The following NPR2 variants were observed in gnomAD, a reference collection of about 807,000 sequenced individuals.
NPR2 encodes atrial natriuretic peptide receptor 2.
In NPR2, 49 loss-of-function variants were observed where a neutral mutation model predicts 120.7. The ratio of observed to expected loss-of-function variants is 0.41; its 90% CI spans 0.32 to 0.52. The LOEUF (loss-of-function observed/expected upper bound fraction) is 0.52. Ranked by LOEUF, NPR2 falls within the 20% of genes least tolerant of loss-of-function variation. The probability of loss-of-function intolerance (pLI) is 0.36; values close to 1 mark genes in which losing one functional copy is unlikely to be tolerated. For synonymous variants in NPR2, 484 were observed against 519.8 expected, an observed-to-expected ratio of 0.93 and a Z score of 0.94; for missense variants, 931 against 1,362.9, an observed-to-expected ratio of 0.68 and a Z score of 4.99.
Position 35,792,683 on chromosome 9 carries a change from A to G in NPR2, c.275A>G (p.Asp92Gly). 1.2e-6 allele frequency: 2 copies of G among 1,613,578 alleles called. No individual in the cohort carries two copies. The highest frequency in any genetic ancestry group is 8.5e-7 in the Non-Finnish European group (1 of 1,179,952). ...LSAVDLKLYH[D>G]PDLLLGPGCV... Reference sequence around the variant, plus strand: ...GCTGTGGACCTCAAGCTGTACCATGACCCCGACCTGCTGTTAGGTCCCGGT... The same window carrying G: ...GCTGTGGACCTCAAGCTGTACCATGGCCCCGACCTGCTGTTAGGTCCCGGT... The change falls in exon 1 of 22, where the codon GAC (aspartate) becomes GGC (glycine). Residue 92 changes from aspartate (D) to glycine (G), a missense_variant. This residue lies in a region of NPR2 where 681 missense variants were observed against 974.3 expected (regional missense o/e 0.70). Transcript: ENST00000342694.
intron 2 of NPR2, 109 bp downstream of exon 2, chr9:35,794,212 C>A: frequency 1.9e-6 from 2 of 1,026,794 alleles, no homozygotes; most frequent in Non-Finnish European, 2.8e-6. Context: ...AATTGTGAGC[C>A]ACAGGAGTAA....
At position 35,806,446 on chromosome 9, in the gene NPR2, C is replaced by A; in HGVS notation, c.2427C>A (p.Ala809=). Residue 809 remains alanine, a synonymous_variant, in exon 16 of 22, where the codon GCC becomes GCA. Coordinates refer to ENST00000342694, the MANE Select transcript of NPR2 (RefSeq NM_003995.4). This position sits in a 1 kb window ranked among gnomAD's most constrained non-coding sequence, Gnocchi z 4.6. The stretch of plus-strand genomic sequence containing the variant: ...TCCTGCTGCGCATGGAACAGTATGC[C>A]AATAACTTGGAGAAGCTGGTGGAGG... ...DNLLLRMEQY[A]NNLEKLVEER... is the part of the protein sequence containing the mutation. 6.2e-7 allele frequency: 1 copy of A among 1,613,996 alleles called. No homozygotes were observed. The highest frequency in any genetic ancestry group is 8.5e-7 in the Non-Finnish European group (1 of 1,179,892).
In NPR2 at chr9:35,802,410, A is replaced by C; in HGVS notation, c.1711-93A>C. On this transcript the variant is annotated intron_variant, in intron 10 of 21. Coordinates refer to ENST00000342694, the MANE Select transcript of NPR2 (RefSeq NM_003995.4). The surrounding 1 kb of genome is among the most constrained non-coding windows in gnomAD (Gnocchi z 4.2). The stretch of plus-strand genomic sequence containing the variant: ...TGATTTTAAAATCGTAGATACAACT[A>C]AGAGAAAGGTCCTCTTATGTAGTGG... The C allele has an allele frequency of 1.0e-6, 1 of 958,056 alleles. No individual in the cohort carries two copies. The highest frequency in any genetic ancestry group is 1.3e-5 in the South Asian group (1 of 77,216). The allele number at this position is 958,056 out of a possible 1,614,324, so 59.3% of individuals were successfully genotyped here.
chr9:35,806,884 C>A lies in NPR2; in HGVS notation c.2520-139C>A. ...CTTGCATTAGACTGTAATGTCTTCC[C>A]AGCCACTTTCCTCCCTCCCACCTGA... On this transcript the variant is annotated intron_variant, in intron 16 of 21. Coordinates refer to ENST00000342694, the MANE Select transcript of NPR2 (RefSeq NM_003995.4). This position sits in a 1 kb window ranked among gnomAD's most constrained non-coding sequence, Gnocchi z 4.6. The A allele has an allele frequency of 2.1e-6, 2 of 965,086 alleles. No homozygotes were observed. Among genetic ancestry groups the A allele is most frequent in the Non-Finnish European group, 3.2e-6 (2 of 626,312 alleles). The allele number at this position is 965,086 out of a possible 1,614,324, so 59.8% of individuals were successfully genotyped here.
Position 35,806,195 on chromosome 9 carries a change from C to A in NPR2, c.2334C>A (p.Asp778Glu). The A allele has an allele frequency of 6.2e-7, 1 of 1,614,234 alleles. No individual in the cohort carries two copies. Among genetic ancestry groups the A allele is most frequent in the South Asian group, 1.1e-5 (1 of 91,084 alleles). Residue 778 changes from aspartate to glutamate, a missense_variant, in exon 15 of 22, where the codon GAC becomes GAA. Coordinates refer to ENST00000342694, the MANE Select transcript of NPR2 (RefSeq NM_003995.4). The surrounding 1 kb of genome is among the most constrained non-coding windows in gnomAD (Gnocchi z 4.6). ...CTCAGGACCCAGCTGAGCGGCCAGACTTTGGACAGATTAAGGGCTTCATTC... is the reference window on the plus strand; with the variant it reads ...CTCAGGACCCAGCTGAGCGGCCAGAATTTGGACAGATTAAGGGCTTCATTC... ...CWAQDPAERP[D>E]FGQIKGFIRR...
chr9:35,796,418 C>G (rs1827946585), intron 2 of NPR2, among the ~76,000 whole-genome samples: 1 of 152,142 alleles, frequency 6.6e-6, no homozygotes, highest in Admixed American at 6.5e-5. Context: ...CTCCTGGGCT[C>G]AAATGATCTT....
intron 2 of NPR2, among the ~76,000 whole-genome samples, chr9:35,798,501 A>G (rs904676442): frequency 2.0e-5 from 3 of 152,214 alleles, no homozygotes; most frequent in Non-Finnish European, 4.4e-5. Flanking sequence ...ATTATTTCCT[A>G]TCTCTAATGA....
rs1828206240 is a variant in NPR2, at chr9:35,802,436, T to A, written c.1711-67T>A. 2.0e-6 allele frequency: 2 copies of A among 1,009,344 alleles called. No individual in the cohort carries two copies. The highest frequency in any genetic ancestry group is 1.6e-6 in the Non-Finnish European group (1 of 628,300). 62.5% of individuals were successfully genotyped at this position (1,009,344 alleles called of 1,614,324 possible). ...AGAGAAAGGTCCTCTTATGTAGTGG[T>A]AAGTTTCTGTATCTAATTTTTAACT... On this transcript the variant is annotated intron_variant, in intron 10 of 21. Coordinates refer to ENST00000342694, the MANE Select transcript of NPR2 (RefSeq NM_003995.4). The surrounding 1 kb of genome is among the most constrained non-coding windows in gnomAD (Gnocchi z 4.2).
chr9:35,794,176 T>G, intron 2 of NPR2, 73 bp downstream of exon 2: 1 of 1,414,140 alleles, frequency 7.1e-7, no homozygotes, highest in Non-Finnish European at 9.6e-7. Flanking sequence ...CACAAGACCC[T>G]AAAGAAACCC....
At chr9:35,795,789 G>T (rs879675765) in intron 2 of NPR2, among the ~76,000 whole-genome samples, 3 of 152,118 alleles carry the variant, frequency 2.0e-5, no homozygotes, top group African/African-American at 4.8e-5. Context: ...ATCCCTAAGT[G>T]GGACTGAATT....
chr9:35,796,390 G>A (rs567669105), intron 2 of NPR2, among the ~76,000 whole-genome samples: 3 of 152,248 alleles, frequency 2.0e-5, no homozygotes, highest in South Asian at 4.2e-4. Context: ...TTATCATGTT[G>A]CCCAGGCTGG....
At chr9:35,795,306 C>T (rs1171367850) in intron 2 of NPR2, among the ~76,000 whole-genome samples, 1 of 152,162 alleles carries the variant, frequency 6.6e-6, no homozygotes, top group Non-Finnish European at 1.5e-5. Flanking sequence ...AAATATCTGC[C>T]TCTCAAAATC....
chr9:35,805,652 A>G lies in NPR2; in HGVS notation c.2029A>G (p.Ser677Gly). 6.2e-7 allele frequency: 1 copy of G among 1,614,082 alleles called. No individual in the cohort carries two copies. Among genetic ancestry groups the G allele is most frequent in the South Asian group, 1.1e-5 (1 of 91,080 alleles). Reference protein sequence around the residue: ...SFRSTAEPDDSHALYAKKLWT... With the variant: ...SFRSTAEPDDGHALYAKKLWT... ...CCGATCAACTGCTGAACCTGATGAC[A>G]GCCATGCCCTCTATGCCAGTGAGGC... The change falls in exon 13 of 22, where the codon AGC becomes GGC. Residue 677 changes from serine (S) to glycine (G), a missense_variant. By Grantham distance (56) the Ser-to-Gly change is moderately conservative. Around this residue, in one of 3 missense-constraint regions of NPR2, gnomAD observed 681 missense variants for 974.3 expected, o/e 0.70. Coordinates refer to ENST00000342694, the MANE Select transcript of NPR2 (RefSeq NM_003995.4). This position sits in a 1 kb window ranked among gnomAD's most constrained non-coding sequence, Gnocchi z 4.9.
At chr9:35,794,646 C>T (rs1827893038) in intron 2 of NPR2, among the ~76,000 whole-genome samples, 1 of 152,060 alleles carries the variant, frequency 6.6e-6, no homozygotes, top group Non-Finnish European at 1.5e-5. Flanking sequence ...AGAGGAGATC[C>T]AAGCATCCTG....
intron 12 of NPR2, among the ~76,000 whole-genome samples, chr9:35,804,855 G>T (rs1394319901): frequency 3.6e-5 from 2 of 54,938 alleles, no homozygotes; most frequent in African/African-American, 1.7e-4. Flanking sequence ...ACCCCGACCT[G>T]CCCACCTCCC....
At position 35,806,198 on chromosome 9, in the gene NPR2, T is replaced by C. The variant is rs115369552; in HGVS notation, c.2337T>C (p.Phe779=). 1.7e-5 allele frequency: 27 copies of C among 1,614,208 alleles called. No individual in the cohort carries two copies. The East Asian group carries it at 5.6e-4, about 33-fold the overall frequency. The change falls in exon 15 of 22, where the codon TTT becomes TTC. Residue 779 remains phenylalanine (F), a synonymous_variant. Transcript: ENST00000342694. The surrounding 1 kb of genome is among the most constrained non-coding windows in gnomAD (Gnocchi z 4.6). The stretch of plus-strand genomic sequence containing the variant: ...AGGACCCAGCTGAGCGGCCAGACTT[T>C]GGACAGATTAAGGGCTTCATTCGGC... ...WAQDPAERPD[F]GQIKGFIRRF...
Position 35,802,859 on chromosome 9 carries a change from T to C in NPR2, c.1887+56T>C, listed in dbSNP as rs1828228002. ...CCACTTTAAATCACTTCCACTGTTC[T>C]TTGATTGTGGTTTTTCTCCTTCTAG... On this transcript the variant is annotated intron_variant, in intron 12 of 21. Transcript: ENST00000342694. This position sits in a 1 kb window ranked among gnomAD's most constrained non-coding sequence, Gnocchi z 4.2. The C allele has an allele frequency of 8.3e-7, 1 of 1,202,592 alleles. No individual in the cohort carries two copies. The highest frequency in any genetic ancestry group is 1.2e-6 in the Non-Finnish European group (1 of 806,206). The allele number at this position is 1,202,592 out of a possible 1,614,324, so 74.5% of individuals were successfully genotyped here. A position where few individuals can be genotyped will look rare whatever the true frequency, so the allele number is the denominator to read the frequency against.
intron 7 of NPR2, 46 bp downstream of exon 7, chr9:35,801,200 A>AGAGGTTGTGTGGCAATGGGGG: frequency 7.0e-7 from 1 of 1,421,978 alleles, no homozygotes; most frequent in Non-Finnish European, 1.0e-6. Flanking sequence ...CCCCATTGCC[A>AGAGGTTGTGTGGCAATGGGGG]CACAACCTCT....
chr9:35,800,061 C>T lies in NPR2; in HGVS notation c.1027C>T (p.Leu343=). The change falls in exon 4 of 22, where the codon CTA becomes TTA. Residue 343 remains leucine (L), a synonymous_variant. Coordinates refer to ENST00000342694, the MANE Select transcript of NPR2 (RefSeq NM_003995.4). This position sits in a 1 kb window ranked among gnomAD's most constrained non-coding sequence, Gnocchi z 4.7. ...TGGCTGCTTCTATGATGGGATCCTG[C>T]TATATGCTGAAGTCCTGAATGAGAC... ...IAGCFYDGIL[L]YAEVLNETIQ... is the part of the protein sequence containing the mutation. 6.2e-7 allele frequency: 1 copy of T among 1,614,106 alleles called. No homozygotes were observed. Among genetic ancestry groups the T allele is most frequent in the Non-Finnish European group, 8.5e-7 (1 of 1,180,006 alleles).
Sources: gnomAD v4.1 joint callset for allele counts (sites outside exome capture counted in the v4.1 genomes callset) on GRCh38, gnomAD v4.1.1 for gene constraint, gnomAD v4.1.1 regional missense constraint, Gnocchi (gnomAD v3.1) non-coding constraint, MANE v1.5 for transcripts, NCBI Gene and HGNC (gene_info 2026-07-23, HGNC 2026-07-21) for gene names.